The following UPP2 variants were observed in gnomAD, a reference collection of about 807,000 sequenced individuals.
UPP2 encodes UPase 2.
Under a neutral mutation model 26.7 loss-of-function variants are expected in UPP2, and 23 were observed. The observed-to-expected ratio is 0.86, with a 90% CI of 0.62 to 1.22. The LOEUF (loss-of-function observed/expected upper bound fraction) is 1.22, where lower values mean the gene tolerates loss of function less well. UPP2 is among the 50% of genes most tolerant of loss of function. The pLI, the probability that UPP2 is intolerant of heterozygous loss-of-function variation, is 0.00. For synonymous variants in UPP2, 127 were observed against 141.3 expected (o/e 0.90, Z 0.72); for missense variants, 387 against 396.7 (o/e 0.98, Z 0.21).
chr2:158,111,946 G>T (rs925874137), intron 2 of UPP2, among the ~76,000 whole-genome samples: 1 of 152,098 alleles, frequency 6.6e-6, no homozygotes, highest in African/African-American at 2.4e-5. Flanking sequence ...ATTATTGAAA[G>T]AAATTTTGAA....
At chr2:158,045,765 G>A (rs1457074713) in intron 3 of UPP2, among the ~76,000 whole-genome samples, 1 of 152,164 alleles carries the variant, frequency 6.6e-6, no homozygotes, top group African/African-American at 2.4e-5. Flanking sequence ...TTTAGGAAGG[G>A]TTATTAGCAT....
intron 1 of UPP2, among the ~76,000 whole-genome samples, chr2:158,103,191 A>T (rs981576679): frequency 6.6e-6 from 1 of 152,210 alleles, no homozygotes; most frequent in Admixed American, 6.5e-5. Context: ...ATCATCTTAG[A>T]AGTGCTTCTG....
intron 3 of UPP2, among the ~76,000 whole-genome samples, chr2:158,043,289 T>A (rs1684105886): frequency 1.3e-5 from 2 of 152,190 alleles, no homozygotes; most frequent in African/African-American, 4.8e-5. Context: ...GCTATAATCC[T>A]GCTCATGAAC....
At chr2:158,115,711 C>G (rs188281630) in intron 3 of UPP2, among the ~76,000 whole-genome samples, 6 of 152,298 alleles carry the variant, frequency 3.9e-5, no homozygotes. Context: ...AAATTACTCT[C>G]CTGCATTTAG....
chr2:158,025,532 G>A (rs1307413994), intron 3 of UPP2, among the ~76,000 whole-genome samples: 1 of 152,224 alleles, frequency 6.6e-6, no homozygotes. Context: ...AAGAAGCCCT[G>A]CCTCAAGCCT....
chr2:158,007,303 G>A (rs537027019), intron 2 of UPP2, among the ~76,000 whole-genome samples: 4 of 152,178 alleles, frequency 2.6e-5, no homozygotes, highest in Non-Finnish European at 5.9e-5. Flanking sequence ...TGACACATTT[G>A]ATAAGGGTCA....
At chr2:158,009,261 A>G (rs953093533) in intron 2 of UPP2, among the ~76,000 whole-genome samples, 2 of 152,188 alleles carry the variant, frequency 1.3e-5, no homozygotes, top group Admixed American at 6.5e-5. Flanking sequence ...ACTTGAATAC[A>G]ACAGTTTTTC....
chr2:158,045,062 T>A (rs1684133051), intron 3 of UPP2, among the ~76,000 whole-genome samples: 1 of 152,244 alleles, frequency 6.6e-6, no homozygotes, highest in South Asian at 2.1e-4. Context: ...CTGAATGTAT[T>A]TTCTTTTCCC....
chr2:158,013,011 TA>T (rs889988000), intron 2 of UPP2, among the ~76,000 whole-genome samples: 1 of 151,158 alleles, frequency 6.6e-6, no homozygotes, highest in African/African-American at 2.5e-5. Context: ...TTGTTATTAT[TA>T]TTTTTTTTTT....
chr2:158,117,808 C>A lies in UPP2; in HGVS notation c.340-16C>A, dbSNP rs775354293. ...ACTTTGCAAGATGTATGATGACTTT[C>A]TCTTTCTCTCAATAGCACGGCATGG... On this transcript the variant is annotated splice_polypyrimidine_tract_variant and intron_variant, in intron 3 of 6. Coordinates refer to ENST00000005756, the MANE Select transcript of UPP2 (RefSeq NM_173355.4). 1.9e-6 allele frequency: 3 copies of A among 1,580,632 alleles called. No individual in the cohort carries two copies. Among genetic ancestry groups the A allele is most frequent in the Non-Finnish European group, 8.7e-7 (1 of 1,150,048 alleles).
intron 3 of UPP2, among the ~76,000 whole-genome samples, chr2:158,036,868 G>A (rs1357701861): frequency 6.6e-6 from 1 of 152,132 alleles, no homozygotes; most frequent in Non-Finnish European, 1.5e-5. Context: ...TCACACTGAA[G>A]GGTACCAGAC....
At chr2:158,035,376 C>T (rs928198239) in intron 3 of UPP2, among the ~76,000 whole-genome samples, 10 of 152,054 alleles carry the variant, frequency 6.6e-5, no homozygotes, top group Admixed American at 5.9e-4. Flanking sequence ...AGGCTGGTCT[C>T]GAACTCCTGA....
chr2:158,007,113 T>C (rs772130480), intron 2 of UPP2, among the ~76,000 whole-genome samples: 1 of 152,184 alleles, frequency 6.6e-6, no homozygotes, highest in Non-Finnish European at 1.5e-5. Context: ...CAGCACTCAG[T>C]AGTAATACTC....
At chr2:158,116,206 A>G (rs1397187917) in intron 3 of UPP2, among the ~76,000 whole-genome samples, 1 of 152,204 alleles carries the variant, frequency 6.6e-6, no homozygotes, top group Non-Finnish European at 1.5e-5. Context: ...CAAATGGGAG[A>G]GTCCATTCAG....
intron 3 of UPP2, among the ~76,000 whole-genome samples, chr2:158,090,383 C>T (rs1682891123): frequency 6.6e-6 from 1 of 152,070 alleles, no homozygotes; most frequent in Non-Finnish European, 1.5e-5. Context: ...CACCTGTAGT[C>T]GCAGCTACTC....
chr2:158,040,958 A>G (rs1032208680), intron 3 of UPP2, among the ~76,000 whole-genome samples: 2 of 152,214 alleles, frequency 1.3e-5, no homozygotes, highest in African/African-American at 2.4e-5. Flanking sequence ...TGCCTATGTA[A>G]TTGAAGCTAA....
chr2:158,090,562 A>G (rs1682896042), intron 3 of UPP2, among the ~76,000 whole-genome samples: 1 of 152,212 alleles, frequency 6.6e-6, no homozygotes, highest in Admixed American at 6.5e-5. Context: ...CTAAGTATAT[A>G]CATCTATTAT....
chr2:158,032,011 C>T (rs888908558), intron 3 of UPP2, among the ~76,000 whole-genome samples: 29 of 152,122 alleles, frequency 1.9e-4, no homozygotes, highest in African/African-American at 6.8e-4. Context: ...TGGCAACTTT[C>T]ATGAGAGACT....
At chr2:158,114,595 G>A (rs1247805301) in intron 2 of UPP2, among the ~76,000 whole-genome samples, 4 of 152,174 alleles carry the variant, frequency 2.6e-5, no homozygotes, top group African/African-American at 9.7e-5. Flanking sequence ...AAATTTAAAA[G>A]TCTTGACATG....
Sources: allele counts gnomAD v4.1 joint callset (sites outside exome capture counted in the v4.1 genomes callset), GRCh38; gene constraint gnomAD v4.1.1; transcripts MANE v1.5; gene names NCBI Gene and HGNC (gene_info 2026-07-23, HGNC 2026-07-21).